Variants in ITGB3BP observed in about 807,000 individuals in gnomAD.
ITGB3BP encodes centromere protein R.
A neutral mutation model predicts 29.1 loss-of-function variants in ITGB3BP; 27 were observed. The observed-to-expected ratio is 0.93, with a 90% CI of 0.68 to 1.28. The LOEUF (loss-of-function observed/expected upper bound fraction) is 1.28. Ranked by LOEUF, ITGB3BP falls within the 50% of genes most tolerant of loss-of-function variation. The pLI, the probability that ITGB3BP is intolerant of heterozygous loss-of-function variation, is 0.00. For missense variants in ITGB3BP, 192 were observed against 200.2 expected, an observed-to-expected ratio of 0.96 and a Z score of 0.25; for synonymous variants, 61 against 61.4, an observed-to-expected ratio of 0.99 and a Z score of 0.03.
chr1:63,484,486 T>TA (rs935697424), intron 3 of ITGB3BP, among the ~76,000 whole-genome samples: 1 of 152,164 alleles, frequency 6.6e-6, no homozygotes, highest in Non-Finnish European at 1.5e-5. Context: ...TACTTTCCAT[T>TA]ATAATTTTTC....
intron 1 of ITGB3BP, among the ~76,000 whole-genome samples, chr1:63,515,105 G>T (rs59534296): frequency 0.018 from 2,744 of 152,138 alleles, 77 homozygotes; most frequent in African/African-American, 0.063. Context: ...ACTTCAGACT[G>T]TAAAAATATT....
chr1:63,509,574 T>C (rs1184881183), intron 1 of ITGB3BP, among the ~76,000 whole-genome samples: 2 of 151,982 alleles, frequency 1.3e-5, no homozygotes, highest in African/African-American at 4.8e-5. Flanking sequence ...TAAGAAAAAA[T>C]AGAAGAGATG....
chr1:63,523,194 C>T lies in ITGB3BP; in HGVS notation c.-61G>A, dbSNP rs1646503841. On this transcript the variant is annotated 5_prime_UTR_variant, in exon 1 of 9. Coordinates refer to ENST00000271002, the MANE Select transcript of ITGB3BP (RefSeq NM_014288.5). ...AAACGAACCCAGCAACTTCCGAAAACAGAAAATCCGCCAAAGGAAACGCCA... is the reference window on the plus strand; with the variant it reads ...AAACGAACCCAGCAACTTCCGAAAATAGAAAATCCGCCAAAGGAAACGCCA... 1.9e-6 allele frequency: 3 copies of T among 1,611,562 alleles called. No homozygotes were observed. The highest frequency in any genetic ancestry group is 3.3e-5 in the Admixed American group (2 of 59,944).
chr1:63,450,392 T>C (rs760340612), intron 7 of ITGB3BP, among the ~76,000 whole-genome samples: 3 of 152,000 alleles, frequency 2.0e-5, no homozygotes, highest in Non-Finnish European at 2.9e-5. Flanking sequence ...ATTTTGTTTA[T>C]TGGAAGTACT....
At chr1:63,445,384 C>A (rs181502456) in intron 8 of ITGB3BP, among the ~76,000 whole-genome samples, 148 of 149,398 alleles carry the variant, frequency 9.9e-4, no homozygotes, top group Non-Finnish European at 1.7e-3. Context: ...ATTGTTACTA[C>A]ATACAACAGA....
intron 4 of ITGB3BP, among the ~76,000 whole-genome samples, chr1:63,475,727 G>A (rs1645326852): frequency 6.6e-6 from 1 of 152,126 alleles, no homozygotes; most frequent in African/African-American, 2.4e-5. Flanking sequence ...GCCAGGTGCG[G>A]TGGCTCATGC....
Position 63,454,046 on chromosome 1 carries a change from C to A in ITGB3BP, c.428-72G>T. ...ATAATTTCTCAATACTTGCAACAAACAACTTCATGAGAAAAAAATAATTCA... is the reference window on the plus strand; with the variant it reads ...ATAATTTCTCAATACTTGCAACAAAAAACTTCATGAGAAAAAAATAATTCA... On this transcript the variant is annotated intron_variant, in intron 6 of 8. Coordinates refer to ENST00000271002, the MANE Select transcript of ITGB3BP (RefSeq NM_014288.5). The surrounding 1 kb of genome is among the most constrained non-coding windows in gnomAD (Gnocchi z 4.1). The A allele has an allele frequency of 1.2e-6, 1 of 801,802 alleles. No individual in the cohort carries two copies. The highest frequency in any genetic ancestry group is 2.1e-6 in the Non-Finnish European group (1 of 483,364). The allele number at this position is 801,802 out of a possible 1,614,324, so 49.7% of individuals were successfully genotyped here. A position where few individuals can be genotyped will look rare whatever the true frequency, so the allele number is the denominator to read the frequency against.
intron 4 of ITGB3BP, among the ~76,000 whole-genome samples, chr1:63,472,466 C>T (rs1163922836): frequency 6.8e-6 from 1 of 147,648 alleles, no homozygotes; most frequent in Non-Finnish European, 1.5e-5. Context: ...TCCCCTCTCC[C>T]CTCTCCCCTC....
chr1:63,469,325 T>C (rs1236693702), intron 4 of ITGB3BP, among the ~76,000 whole-genome samples: 1 of 151,046 alleles, frequency 6.6e-6, no homozygotes, highest in Non-Finnish European at 1.5e-5. Flanking sequence ...TTATTATTAT[T>C]ATTATTTTTT....
At chr1:63,456,240 A>T (rs1482731260) in intron 4 of ITGB3BP, among the ~76,000 whole-genome samples, 1 of 152,254 alleles carries the variant, frequency 6.6e-6, no homozygotes, top group African/African-American at 2.4e-5. Context: ...TCAACTAAGT[A>T]AAATTTTATC....
intron 2 of ITGB3BP, among the ~76,000 whole-genome samples, chr1:63,508,027 T>C (rs1646119079): frequency 6.6e-6 from 1 of 152,190 alleles, no homozygotes; most frequent in Non-Finnish European, 1.5e-5. Flanking sequence ...ACAGTACAAT[T>C]TAATTTTCAT....
intron 3 of ITGB3BP, among the ~76,000 whole-genome samples, chr1:63,481,593 T>G (rs1234967500): frequency 6.6e-6 from 1 of 152,194 alleles, no homozygotes; most frequent in African/African-American, 2.4e-5. Flanking sequence ...CACAAAACAT[T>G]GGTGATAAAT....
Position 63,478,927 on chromosome 1 carries a change from T to C in ITGB3BP, c.185-94A>G, listed in dbSNP as rs149721342. 2,567 of 467,508 alleles carry C rather than the reference T, an allele frequency of 5.5e-3. 54 individuals carry two copies. Among genetic ancestry groups the C allele is most frequent in the African/African-American group, 0.047 (2,329 of 49,066 alleles). 29.0% of individuals were successfully genotyped at this position (467,508 alleles called of 1,614,324 possible). ...AGTTTGTCAAATTTTAAATAGAAAG[T>C]AAAAAGGACAAATGGAAGGGAGGTG... is the stretch of plus-strand genomic sequence containing the variant. On this transcript the variant is annotated intron_variant, in intron 3 of 8. Coordinates refer to ENST00000271002, the MANE Select transcript of ITGB3BP (RefSeq NM_014288.5).
intron 1 of ITGB3BP, among the ~76,000 whole-genome samples, chr1:63,522,152 A>C (rs1646464828): frequency 6.6e-6 from 1 of 152,354 alleles, no homozygotes; most frequent in African/African-American, 2.4e-5. Flanking sequence ...AGCAGCCCCC[A>C]TCCCCTAAAG....
chr1:63,473,832 C>T (rs1336191782), intron 4 of ITGB3BP, among the ~76,000 whole-genome samples: 9 of 51,252 alleles, frequency 1.8e-4, no homozygotes, highest in Admixed American at 5.4e-4. Context: ...CCGCCCCGTC[C>T]GGGAGGTGAG....
chr1:63,457,536 A>G (rs1238493947), intron 4 of ITGB3BP: 1 of 152,136 alleles, frequency 6.6e-6, no homozygotes, highest in African/African-American at 2.4e-5. Flanking sequence ...ATTCCTGAAA[A>G]CCAACGATCT....
At chr1:63,502,151 T>C (rs1204768099) in intron 2 of ITGB3BP, among the ~76,000 whole-genome samples, 1 of 152,164 alleles carries the variant, frequency 6.6e-6, no homozygotes, top group African/African-American at 2.4e-5. Flanking sequence ...CAGTTTGTAA[T>C]ATATAATTCA....
intron 8 of ITGB3BP, chr1:63,446,535 C>T (rs1247907172): frequency 2.5e-6 from 1 of 406,548 alleles, no homozygotes; most frequent in East Asian, 4.1e-5. Context: ...GACCCTTTTA[C>T]ACTCAGTTAA....
At chr1:63,462,398 T>G (rs372166375) in intron 4 of ITGB3BP, among the ~76,000 whole-genome samples, 46 of 152,360 alleles carry the variant, frequency 3.0e-4, no homozygotes, top group African/African-American at 1.0e-3. Context: ...CTATAGAGAA[T>G]CATCTTGTCT....
Sources: allele counts gnomAD v4.1 joint callset (sites outside exome capture counted in the v4.1 genomes callset), GRCh38; gene constraint gnomAD v4.1.1; non-coding constraint Gnocchi (gnomAD v3.1); transcripts MANE v1.5; gene names NCBI Gene and HGNC (gene_info 2026-07-23, HGNC 2026-07-21).